SSB: variants seen among roughly 807,000 people sequenced by gnomAD.
The protein encoded by SSB is lupus La protein.
Under a neutral mutation model 52.9 loss-of-function variants are expected in SSB, and 17 were observed. The observed-to-expected ratio is 0.32, with a 90% CI of 0.22 to 0.48. The LOEUF (loss-of-function observed/expected upper bound fraction) is 0.48, where lower values mean the gene tolerates loss of function less well. Among genes scored for constraint, SSB ranks in the 20% least tolerant of loss-of-function variants. The pLI is 0.99. For synonymous variants in SSB, 111 were observed against 152.1 expected, an observed-to-expected ratio of 0.73 and a Z score of 1.99; for missense variants, 314 against 463.6, an observed-to-expected ratio of 0.68 and a Z score of 2.96.
At chr2:169,806,629 C>T (rs1238424926) in intron 4 of SSB, 156 bp from the exon 5 acceptor site, 2 of 584,668 alleles carry the variant, frequency 3.4e-6, no homozygotes, top group Non-Finnish European at 6.0e-6. Context: ...AGAGTAGTGG[C>T]TCCTAAACAA....
Position 169,803,003 on chromosome 2 carries a change from C to A in SSB, c.66+1977C>A, listed in dbSNP as rs75443168. 9.1e-3 allele frequency among the ~76,000 whole-genome samples: 1,389 copies of A among 152,228 alleles called. 29 individuals are homozygous for A. The highest frequency in any genetic ancestry group is 0.031 in the African/African-American group (1,299 of 41,528). ...TCTTAGTAAACATGTTTATTGATTT[C>A]TTCAAGGAAAATTCTTAGAAGGAGC... On this transcript the variant is annotated intron_variant, in intron 2 of 11. Coordinates refer to ENST00000260956, the MANE Select transcript of SSB (RefSeq NM_003142.5).
intron 1 of SSB, 136 bp downstream of exon 1, chr2:169,799,112 C>T (rs972179743): frequency 3.9e-5 from 6 of 152,004 alleles, no homozygotes; most frequent in Non-Finnish European, 8.8e-5. Context: ...GGCCGAGCGC[C>T]GCGTGGGCCG....
chr2:169,809,709 T>C (rs1379955658), intron 8 of SSB, among the ~76,000 whole-genome samples: 1 of 151,958 alleles, frequency 6.6e-6, no homozygotes, highest in African/African-American at 2.4e-5. Context: ...ACCTCCCAGA[T>C]TCATGCCATT....
intron 2 of SSB, among the ~76,000 whole-genome samples, chr2:169,801,437 A>G (rs568712448): frequency 6.6e-5 from 10 of 152,002 alleles, no homozygotes; most frequent in Admixed American, 1.3e-4. Context: ...TCCCTGTTAA[A>G]TAACACTATA....
intron 2 of SSB, among the ~76,000 whole-genome samples, chr2:169,801,329 T>A (rs1689708616): frequency 6.6e-6 from 1 of 152,102 alleles, no homozygotes. Context: ...AGTAGTTCCC[T>A]CCTCATAAGG....
intron 1 of SSB, among the ~76,000 whole-genome samples, chr2:169,800,750 T>C (rs1223093777): frequency 6.6e-6 from 1 of 152,188 alleles, no homozygotes; most frequent in Non-Finnish European, 1.5e-5. Context: ...AAGTTTTTTA[T>C]AGTTTTTAGA....
At chr2:169,806,735 T>G in intron 4 of SSB, 50 bp from the exon 5 acceptor site, 1 of 1,401,754 alleles carries the variant, frequency 7.1e-7, no homozygotes, top group South Asian at 1.2e-5. Flanking sequence ...CAATTGTTTA[T>G]CTGAGAAGTC....
At chr2:169,800,914 T>TA in intron 1 of SSB, 38 bp from the exon 2 acceptor site, 2 of 1,467,474 alleles carry the variant, frequency 1.4e-6, no homozygotes, top group East Asian at 2.3e-5. Context: ...GAGTTTTATA[T>TA]AAAAAATAAC....
intron 4 of SSB, 179 bp from the exon 5 acceptor site, chr2:169,806,604 CTT>C (rs1689833684): frequency 2.1e-6 from 1 of 487,576 alleles, no homozygotes; most frequent in East Asian, 3.3e-5. Context: ...AGATGAATCA[CTT>C]TTATTGTACT....
intron 2 of SSB, among the ~76,000 whole-genome samples, chr2:169,804,097 G>A (rs1248233878): frequency 1.3e-5 from 2 of 151,922 alleles, no homozygotes; most frequent in Non-Finnish European, 2.9e-5. Context: ...CTTCTTCTTT[G>A]TTTGTAAGAA....
In SSB at chr2:169,807,728, C is replaced by T. The variant is rs1272154278; in HGVS notation, c.554+657C>T. Among the ~76,000 whole-genome samples, 3 of 125,256 alleles carry T rather than the reference C, an allele frequency of 2.4e-5. No homozygotes were observed. In the South Asian group the frequency reaches 7.6e-4, roughly 32 times the overall value. The allele number at this position is 125,256 out of a possible 152,430, so 82.2% of individuals were successfully genotyped here. On this transcript the variant is annotated intron_variant, in intron 6 of 11. Coordinates refer to ENST00000260956, the MANE Select transcript of SSB (RefSeq NM_003142.5). Reference sequence around the variant, plus strand: ...GCAGTTTTCATCTTATTTTTCATAGCCTATATGTCTTTTTTTTTTTTTTTT... The same window carrying T: ...GCAGTTTTCATCTTATTTTTCATAGTCTATATGTCTTTTTTTTTTTTTTTT...
chr2:169,808,064 A>G (rs926463700), intron 6 of SSB, among the ~76,000 whole-genome samples: 5 of 152,196 alleles, frequency 3.3e-5, no homozygotes, highest in African/African-American at 1.2e-4. Context: ...TGGAATTAAC[A>G]CTATAGAAAA....
At position 169,806,016 on chromosome 2, in the gene SSB, G is replaced by T. The variant is rs1367185020; in HGVS notation, c.345+177G>T. Reference sequence around the variant, plus strand: ...GAGACAGTCTCATCCTGTTGCTCACGTTGGAGTGCAGTGGTGTGATCATGG... The same window carrying T: ...GAGACAGTCTCATCCTGTTGCTCACTTTGGAGTGCAGTGGTGTGATCATGG... On this transcript the variant is annotated intron_variant, in intron 4 of 11. Transcript: ENST00000260956. The T allele has an allele frequency of 9.8e-6, 7 of 716,724 alleles. 1 individual carries two copies. The highest frequency in any genetic ancestry group is 2.4e-4 in the Middle Eastern group (1 of 4,182). 44.4% of individuals were successfully genotyped at this position (716,724 alleles called of 1,614,324 possible).
intron 7 of SSB, 100 bp from the exon 8 acceptor site, chr2:169,808,760 G>A (rs1689880975): frequency 2.6e-6 from 3 of 1,134,528 alleles, no homozygotes; most frequent in Non-Finnish European, 3.8e-6. Flanking sequence ...TTCTGGCTTT[G>A]GTTAAGTAAG....
At chr2:169,806,609 A>G (rs1440229484) in intron 4 of SSB, 176 bp from the exon 5 acceptor site, 3 of 496,762 alleles carry the variant, frequency 6.0e-6, no homozygotes, top group Non-Finnish European at 1.1e-5. Context: ...AATCACTTTT[A>G]TTGTACTGGA....
chr2:169,811,943 G>A lies in SSB; in HGVS notation c.*187G>A. On this transcript the variant is annotated 3_prime_UTR_variant, in exon 12 of 12. Transcript: ENST00000260956. ...TTTCTTTGAATGTATTGTTCTGTTTGTGTTATTTCAGATGATTCAAATATC... is the reference window on the plus strand; with the variant it reads ...TTTCTTTGAATGTATTGTTCTGTTTATGTTATTTCAGATGATTCAAATATC... The A allele has an allele frequency of 6.9e-7, 1 of 1,445,258 alleles. No homozygotes were observed. The highest frequency in any genetic ancestry group is 1.2e-5 in the South Asian group (1 of 80,264). The allele number at this position is 1,445,258 out of a possible 1,614,324, so 89.5% of individuals were successfully genotyped here. A position where few individuals can be genotyped will look rare whatever the true frequency, so the allele number is the denominator to read the frequency against.
intron 1 of SSB, 50 bp from the exon 2 acceptor site, chr2:169,800,902 T>C: frequency 7.3e-7 from 1 of 1,365,592 alleles, no homozygotes; most frequent in South Asian, 1.3e-5. Context: ...CTTTCTATTC[T>C]TGAGTTTTAT....
chr2:169,805,211 C>T (rs1360581189), intron 2 of SSB, among the ~76,000 whole-genome samples: 1 of 152,196 alleles, frequency 6.6e-6, no homozygotes, highest in East Asian at 1.9e-4. Context: ...CACTGATTTG[C>T]AAGAGCCTTT....
At chr2:169,805,985 TG>T (rs761629690) in intron 4 of SSB, 146 bp downstream of exon 4, 22 of 913,476 alleles carry the variant, frequency 2.4e-5, no homozygotes, top group African/African-American at 2.3e-4. Flanking sequence ...TGTTTTGTTT[TG>T]TTTTGAGACA....
Sources: allele counts gnomAD v4.1 joint callset (sites outside exome capture counted in the v4.1 genomes callset), GRCh38; gene constraint gnomAD v4.1.1; transcripts MANE v1.5; gene names NCBI Gene and HGNC (gene_info 2026-07-23, HGNC 2026-07-21).